The following SLC35H1 variants were observed in gnomAD, a reference collection of about 807,000 sequenced individuals.
SLC35H1 encodes solute carrier family 35 member H1.
the SLC35H1 span, chr20:46,356,728 C>G: frequency 8.0e-7 from 1 of 1,255,028 alleles, no homozygotes; most frequent in South Asian, 1.3e-5. Context: ...GTGTCCCCCA[C>G]TTCTGAACCA....
the SLC35H1 span, chr20:46,363,121 A>G: frequency 6.6e-6 from 1 of 151,816 alleles, no homozygotes; most frequent in African/African-American, 2.4e-5. Flanking sequence ...CCTAGAAAAA[A>G]CCTTCTCTTG....
the SLC35H1 span, chr20:46,356,661 G>T: frequency 1.9e-6 from 3 of 1,608,576 alleles, no homozygotes; most frequent in African/African-American, 4.0e-5. Context: ...GGCACCCACA[G>T]GACAGCTTGG....
chr20:46,348,179 G>T, the SLC35H1 span: 1 of 143,454 alleles, frequency 7.0e-6, no homozygotes, highest in Admixed American at 6.8e-5. Context: ...GCTGGGTGGG[G>T]GAGGAGAGGG....
At chr20:46,360,253 T>C in the SLC35H1 span, among the ~76,000 whole-genome samples, 1 of 152,094 alleles carries the variant, frequency 6.6e-6, no homozygotes, top group South Asian at 2.1e-4. Context: ...CTATGTACAA[T>C]GAAGGGAGAC....
chr20:46,354,783 G>C, the SLC35H1 span: 2 of 1,097,432 alleles, frequency 1.8e-6, no homozygotes, highest in Admixed American at 2.1e-5. Flanking sequence ...CTGCATCTTT[G>C]ATCTCAATAA....
chr20:46,347,078 C>CA, the SLC35H1 span: 1 of 152,122 alleles, frequency 6.6e-6, no homozygotes, highest in African/African-American at 2.4e-5. Flanking sequence ...GCTTTACCTA[C>CA]ATTATTTTAT....
chr20:46,352,903 C>G, the SLC35H1 span: 1 of 152,866 alleles, frequency 6.5e-6, no homozygotes, highest in South Asian at 2.1e-4. Context: ...GGACAGTATT[C>G]CCTTACTGGT....
the SLC35H1 span, chr20:46,355,263 G>A: frequency 6.2e-7 from 1 of 1,603,378 alleles, no homozygotes; most frequent in Non-Finnish European, 8.5e-7. This position sits in a 1 kb window ranked among gnomAD's most constrained non-coding sequence, Gnocchi z 4.8. Context: ...GGGAGCAGTG[G>A]CAGCTAACTC....
the SLC35H1 span, chr20:46,350,240 G>A: frequency 1.2e-6 from 1 of 853,344 alleles, no homozygotes; most frequent in South Asian, 2.0e-5. Flanking sequence ...CTGAAGGGAG[G>A]GGCAAAAGTC....
the SLC35H1 span, chr20:46,350,831 G>A: frequency 4.8e-5 from 78 of 1,614,002 alleles, 1 homozygote; most frequent in Admixed American, 1.2e-3. Context: ...AGCCCAGCCA[G>A]TTCAGGAGGC....
At chr20:46,350,896 G>T in the SLC35H1 span, 1 of 1,613,736 alleles carries the variant, frequency 6.2e-7, no homozygotes, top group South Asian at 1.1e-5. Context: ...ACTTCCTGGG[G>T]GCAGAGAAGC....
the SLC35H1 span, among the ~76,000 whole-genome samples, chr20:46,359,119 C>T: frequency 1.3e-5 from 2 of 152,254 alleles, no homozygotes; most frequent in African/African-American, 2.4e-5. Context: ...CAGGACCTGG[C>T]CCCACTGGGC....
At chr20:46,355,010 C>A in the SLC35H1 span, 1 of 1,613,580 alleles carries the variant, frequency 6.2e-7, no homozygotes, top group Non-Finnish European at 8.5e-7. The surrounding 1 kb of genome is among the most constrained non-coding windows in gnomAD (Gnocchi z 4.8). Flanking sequence ...TCCGGCCCTG[C>A]CCTGCCTCCG....
At chr20:46,356,176 T>C in the SLC35H1 span, among the ~76,000 whole-genome samples, 1 of 152,162 alleles carries the variant, frequency 6.6e-6, no homozygotes, top group South Asian at 2.1e-4. Flanking sequence ...GCAGGAACAG[T>C]GCTCTCTGAA....
chr20:46,352,893 G>T, the SLC35H1 span: 1 of 153,314 alleles, frequency 6.5e-6, no homozygotes. Context: ...CTGCACCTTT[G>T]GACAGTATTC....
the SLC35H1 span, among the ~76,000 whole-genome samples, chr20:46,351,750 T>C: frequency 2.3e-4 from 35 of 152,220 alleles, no homozygotes; most frequent in Non-Finnish European, 4.6e-4. Context: ...TGTGAATGCA[T>C]TCCAGGCCTA....
At chr20:46,360,906 A>G in the SLC35H1 span, among the ~76,000 whole-genome samples, 1 of 152,196 alleles carries the variant, frequency 6.6e-6, no homozygotes, top group Non-Finnish European at 1.5e-5. Context: ...CATATGTTTC[A>G]TTTTAGGGTA....
At chr20:46,356,241 C>T in the SLC35H1 span, among the ~76,000 whole-genome samples, 1 of 152,202 alleles carries the variant, frequency 6.6e-6, no homozygotes, top group Non-Finnish European at 1.5e-5. Context: ...CCACATAGGG[C>T]TCTGCTGCGG....
the SLC35H1 span, among the ~76,000 whole-genome samples, chr20:46,360,448 CA>C: frequency 6.6e-6 from 1 of 152,256 alleles, no homozygotes; most frequent in Non-Finnish European, 1.5e-5. Flanking sequence ...CTGCAACTTC[CA>C]GCACTATTGT....
Sources: gnomAD v4.1 joint callset for allele counts (sites outside exome capture counted in the v4.1 genomes callset) on GRCh38, gnomAD v4.1.1 for gene constraint, Gnocchi (gnomAD v3.1) non-coding constraint, MANE v1.5 for transcripts, NCBI Gene and HGNC (gene_info 2026-07-23, HGNC 2026-07-21) for gene names.